The following DELE1 variants were observed in gnomAD, a reference collection of about 807,000 sequenced individuals.
The protein encoded by DELE1 is DAP3 binding cell death enhancer 1, also known as death ligand signal enhancer.
DELE1 carries 54 observed loss-of-function variants against 59.3 expected under a neutral mutation model. That is an observed-to-expected ratio of 0.91 (90% confidence interval 0.73 to 1.14). The LOEUF is 1.14. Among genes scored for constraint, DELE1 ranks in the 50% most tolerant of loss-of-function variants. The pLI, the probability that DELE1 is intolerant of heterozygous loss-of-function variation, is 0.00. For missense variants in DELE1, 636 were observed against 643.9 expected (o/e 0.99, Z 0.13); for synonymous variants, 264 against 259.1 (o/e 1.02, Z -0.18).
rs1010951029 is a variant in DELE1, at chr5:141,941,770, T to C, written c.*3011T>C. On this transcript the variant is annotated 3_prime_UTR_variant, in exon 12 of 12. Coordinates refer to ENST00000432126, the MANE Select transcript of DELE1 (RefSeq NM_014773.5). ...TACTATATCATTAGTGCTAATATAGTGTGGGGCACTCAGATGTTCAGTAAA... is the reference window on the plus strand; with the variant it reads ...TACTATATCATTAGTGCTAATATAGCGTGGGGCACTCAGATGTTCAGTAAA... 3 of 985,288 alleles carry C rather than the reference T, an allele frequency of 3.0e-6. No homozygotes were observed. Among genetic ancestry groups the C allele is most frequent in the Non-Finnish European group, 3.6e-6 (3 of 829,934 alleles). 61.0% of individuals were successfully genotyped at this position (985,288 alleles called of 1,614,324 possible). A position where few individuals can be genotyped will look rare whatever the true frequency, so the allele number is the denominator to read the frequency against.
chr5:141,936,560 G>A (rs1169617611), intron 10 of DELE1, among the ~76,000 whole-genome samples: 1 of 152,130 alleles, frequency 6.6e-6, no homozygotes, highest in African/African-American at 2.4e-5. Flanking sequence ...TCAGCCTTCT[G>A]AGTAGTTAGG....
chr5:141,927,140 G>A (rs1751486546), intron 3 of DELE1, among the ~76,000 whole-genome samples: 1 of 152,184 alleles, frequency 6.6e-6, no homozygotes, highest in African/African-American at 2.4e-5. Flanking sequence ...CTAAACACAA[G>A]ATATAAACTT....
At chr5:141,926,648 G>A (rs1401902303) in intron 3 of DELE1, among the ~76,000 whole-genome samples, 1 of 152,206 alleles carries the variant, frequency 6.6e-6, no homozygotes, top group Non-Finnish European at 1.5e-5. Flanking sequence ...GTGACCCTTG[G>A]CTTTCTCATC....
At position 141,934,383 on chromosome 5, in the gene DELE1, C is replaced by G. The variant is rs1377144316; in HGVS notation, c.1041C>G (p.Asp347Glu). The G allele has an allele frequency of 3.1e-6, 5 of 1,614,126 alleles. No individual in the cohort carries two copies. The highest frequency in any genetic ancestry group is 2.5e-6 in the Non-Finnish European group (3 of 1,180,056). Residue 347 changes from aspartate (D) to glutamate (E), a missense_variant, in exon 9 of 12, where the codon GAC becomes GAG. Physicochemically the swap from Asp to Glu is conservative, Grantham distance 45. Transcript: ENST00000432126. The part of the protein sequence containing the change: ...RAVSLLKQAA[D>E]SGLREAQAFL... The stretch of plus-strand genomic sequence containing the variant: ...TGTCCTTGCTGAAGCAGGCTGCAGA[C>G]TCAGGCTTGAGAGAGGTGAGTGCCA...
intron 3 of DELE1, among the ~76,000 whole-genome samples, chr5:141,925,776 C>T (rs746423208): frequency 6.6e-5 from 10 of 152,204 alleles, no homozygotes; most frequent in Non-Finnish European, 1.3e-4. Context: ...CTAGTCACTA[C>T]GGACATAGCA....
At chr5:141,934,706 T>C (rs1212511473) in intron 10 of DELE1, 120 bp downstream of exon 10, 15 of 989,504 alleles carry the variant, frequency 1.5e-5, no homozygotes, top group South Asian at 1.2e-4. Context: ...TTGGCCTGGC[T>C]TCAAGCCTTA....
At chr5:141,936,267 C>G (rs757391022) in intron 10 of DELE1, among the ~76,000 whole-genome samples, 1 of 152,136 alleles carries the variant, frequency 6.6e-6, no homozygotes, top group East Asian at 1.9e-4. Context: ...CCTGAGTTAA[C>G]ACAGCTGGTA....
rs1752186775 is a variant in DELE1, at chr5:141,934,328, C to G, written c.986C>G (p.Ser329Cys). ...AGGTGCCTACTACGAGACCCAGCCT[C>G]TTCGTGGAACCCTGAGCGGCAGAGG... Reference protein sequence around the residue: ...YARCLLRDPASSWNPERQRAV... With the variant: ...YARCLLRDPACSWNPERQRAV... The change falls in exon 9 of 12, where the codon TCT (serine) becomes TGT (cysteine). Residue 329 changes from serine (S) to cysteine (C), a missense_variant. Ser to Cys is a moderately radical substitution (Grantham distance 112, BLOSUM62 -1). Coordinates refer to ENST00000432126, the MANE Select transcript of DELE1 (RefSeq NM_014773.5). 1.2e-6 allele frequency: 2 copies of G among 1,614,120 alleles called. No homozygotes were observed. Among genetic ancestry groups the G allele is most frequent in the Non-Finnish European group, 1.7e-6 (2 of 1,180,058 alleles).
At position 141,932,909 on chromosome 5, in the gene DELE1, A is replaced by C. The variant is rs528980580; in HGVS notation, c.755-350A>C. ...CAAGAGTTTGAGACAAGCCTGGCCA[A>C]CATGGTGAAACCCCATCTCTACTAA... On this transcript the variant is annotated intron_variant, in intron 7 of 11. Coordinates refer to ENST00000432126, the MANE Select transcript of DELE1 (RefSeq NM_014773.5). Among the ~76,000 whole-genome samples the C allele has an allele frequency of 4.5e-4, 69 of 152,176 alleles. No homozygotes were observed. The South Asian group carries it at 0.014, about 31-fold the overall frequency.
chr5:141,936,445 G>GTTTT (rs1457333919), intron 10 of DELE1, among the ~76,000 whole-genome samples: 1 of 152,074 alleles, frequency 6.6e-6, no homozygotes, highest in African/African-American at 2.4e-5. Flanking sequence ...GTTTTGTTTT[G>GTTTT]TTTTTTTGAG....
rs369514874 is a variant in DELE1, at chr5:141,924,755, T to TA, written c.146+60_146+61insA. 2.6e-6 allele frequency: 3 copies of TA among 1,139,736 alleles called. No individual in the cohort carries two copies. In the East Asian group the frequency reaches 7.2e-5, roughly 28 times the overall value. 70.6% of individuals were successfully genotyped at this position (1,139,736 alleles called of 1,614,324 possible). ...CCTAGTCACCCTTTTTTTTTATTTT[T>TA]TTTTTTTTGTTGTTTTTTGAGATGG... On this transcript the variant is annotated intron_variant, in intron 2 of 11. Transcript: ENST00000432126.
chr5:141,938,595 CT>C lies in DELE1; in HGVS notation c.1385del (p.Leu462ArgfsTer2). The C allele has an allele frequency of 2.5e-6, 4 of 1,614,164 alleles. No individual in the cohort carries two copies. The highest frequency in any genetic ancestry group is 1.6e-4 in the Middle Eastern group (1 of 6,062). On this transcript the variant is annotated frameshift_variant, in exon 12 of 12. Coordinates refer to ENST00000432126, the MANE Select transcript of DELE1 (RefSeq NM_014773.5). LOFTEE classifies it high-confidence loss of function. Reference sequence around the variant, plus strand: ...CCCCTCCCTCTGCAGCTTGAACACCCTGCTAGCAGGAACCTCACGCCTACCA... The same window carrying C: ...CCCCTCCCTCTGCAGCTTGAACACCCGCTAGCAGGAACCTCACGCCTACCA... ...SSPSLCSLNT[L>X]LAGTSRLPHA...
At chr5:141,930,340 G>T in intron 7 of DELE1, 66 bp downstream of exon 7, 3 of 1,182,000 alleles carry the variant, frequency 2.5e-6, no homozygotes, top group African/African-American at 1.5e-5. Context: ...GGGTAGCTCA[G>T]ATATAGTCAA....
intron 10 of DELE1, among the ~76,000 whole-genome samples, chr5:141,936,140 A>G (rs905735282): frequency 2.0e-5 from 3 of 152,216 alleles, no homozygotes; most frequent in Non-Finnish European, 4.4e-5. Context: ...CATGTAGTGA[A>G]TGTAAGCACT....
chr5:141,924,760 T>TGTTTTGTTTTTTGAGA, intron 2 of DELE1, 65 bp downstream of exon 2: 2 of 1,065,980 alleles, frequency 1.9e-6, no homozygotes, highest in Non-Finnish European at 2.8e-6. Context: ...ATTTTTTTTT[T>TGTTTTGTTTTTTGAGA]TTTGTTGTTT....
rs1393642312 is a variant in DELE1 at position 141,928,199 on chromosome 5, C to T, written c.313C>T (p.Gln105Ter). ...GCAGCTGGCAAGGCAGATCCACTTC[C>T]AGGCATCCCTGCCAGCAGGACCTCA... is the stretch of plus-strand genomic sequence containing the variant. Reference protein sequence around the residue: ...ALQLARQIHFQASLPAGPQRV... With the variant: ...ALQLARQIHF Residue 105 changes from glutamine (Q) to a stop codon, truncating the protein, a stop_gained, in exon 4 of 12, where the codon CAG becomes TAG. Transcript: ENST00000432126. LOFTEE classifies it high-confidence loss of function. The T allele has an allele frequency of 6.2e-7, 1 of 1,614,226 alleles. No individual in the cohort carries two copies. Among genetic ancestry groups the T allele is most frequent in the Non-Finnish European group, 8.5e-7 (1 of 1,180,028 alleles).
chr5:141,934,304 G>A lies in DELE1; in HGVS notation c.962G>A (p.Arg321Lys), dbSNP rs775627519. The A allele has an allele frequency of 6.2e-7, 1 of 1,614,090 alleles. No homozygotes were observed. Among genetic ancestry groups the A allele is most frequent in the Admixed American group, 1.7e-5 (1 of 60,034 alleles). ...AGCCTGGCTCAGTACCGCTATGCCA[G>A]GTGCCTACTACGAGACCCAGCCTCT... The part of the protein sequence containing the change: ...GHSLAQYRYA[R>K]CLLRDPASSW... Residue 321 changes from arginine (R) to lysine (K), a missense_variant, in exon 9 of 12, where the codon AGG (arginine) becomes AAG (lysine). By Grantham distance (26) the Arg-to-Lys change is conservative. Transcript: ENST00000432126.
intron 2 of DELE1, 55 bp downstream of exon 2, chr5:141,924,750 A>AT (rs372628786): frequency 0.082 from 65,565 of 802,978 alleles, 55 homozygotes; most frequent in East Asian, 0.13. Context: ...CTTTTTTTTT[A>AT]TTTTTTTTTT....
Position 141,940,727 on chromosome 5 carries a change from G to T in DELE1, c.*1968G>T. On this transcript the variant is annotated 3_prime_UTR_variant, in exon 12 of 12. Transcript: ENST00000432126. ...TGCACATGGCCACCTTCCACAGATG[G>T]CACTCCTTGGGAGCAGGGTCCTTGT... 1.0e-6 allele frequency: 1 copy of T among 972,722 alleles called. No individual in the cohort carries two copies. Among genetic ancestry groups the T allele is most frequent in the Non-Finnish European group, 1.2e-6 (1 of 818,410 alleles). 60.3% of individuals were successfully genotyped at this position (972,722 alleles called of 1,614,324 possible).
Sources: allele counts gnomAD v4.1 joint callset (sites outside exome capture counted in the v4.1 genomes callset), GRCh38; gene constraint gnomAD v4.1.1; transcripts MANE v1.5; gene names NCBI Gene and HGNC (gene_info 2026-07-23, HGNC 2026-07-21).